Variants in SMYD3 observed in about 807,000 individuals in gnomAD.
SMYD3 encodes SET and MYND domain containing 3.
A neutral mutation model predicts 57.7 loss-of-function variants in SMYD3; 36 were observed. The ratio of observed to expected loss-of-function variants is 0.62; its 90% CI spans 0.48 to 0.82. The LOEUF is 0.82. Among genes scored for constraint, SMYD3 ranks in the 40% least tolerant of loss-of-function variants. The pLI is 0.00. For synonymous variants in SMYD3, 211 were observed against 195.0 expected (o/e 1.08, Z -0.68); for missense variants, 515 against 538.8 (o/e 0.96, Z 0.44).
At chr1:246,445,563 T>C (rs1231591170) in intron 1 of SMYD3, among the ~76,000 whole-genome samples, 1 of 152,200 alleles carries the variant, frequency 6.6e-6, no homozygotes, top group Non-Finnish European at 1.5e-5. Context: ...AATTTCTAAA[T>C]GCATTTAAGA....
chr1:246,499,471 T>G (rs114544721), intron 1 of SMYD3, among the ~76,000 whole-genome samples: 1,893 of 151,974 alleles, frequency 0.012, 23 homozygotes, highest in Non-Finnish European at 0.019. Flanking sequence ...TTGGGTATTT[T>G]TTGGAGGCAG....
At chr1:246,291,895 C>G (rs1264180783) in intron 5 of SMYD3, among the ~76,000 whole-genome samples, 1 of 152,164 alleles carries the variant, frequency 6.6e-6, no homozygotes, top group Non-Finnish European at 1.5e-5. Flanking sequence ...ACTTACTATC[C>G]AACACACCAG....
At chr1:246,485,617 C>T (rs1308369532) in intron 1 of SMYD3, among the ~76,000 whole-genome samples, 1 of 148,162 alleles carries the variant, frequency 6.7e-6, no homozygotes, top group African/African-American at 2.5e-5. Flanking sequence ...CCCCCCCCCA[C>T]ATCTCTACAA....
intron 5 of SMYD3, among the ~76,000 whole-genome samples, chr1:246,310,099 G>A (rs1310344239): frequency 1.3e-5 from 2 of 152,098 alleles, no homozygotes; most frequent in Non-Finnish European, 1.5e-5. Flanking sequence ...AAAAAAATTT[G>A]CTGTACAATA....
chr1:246,044,871 CTT>C (rs1400920085), intron 5 of SMYD3, among the ~76,000 whole-genome samples: 1 of 152,102 alleles, frequency 6.6e-6, no homozygotes, highest in Non-Finnish European at 1.5e-5. Flanking sequence ...ATTATTGACT[CTT>C]TATAAAATAT....
intron 5 of SMYD3, among the ~76,000 whole-genome samples, chr1:246,326,613 A>G (rs1346400136): frequency 1.3e-5 from 2 of 151,828 alleles, no homozygotes; most frequent in African/African-American, 2.4e-5. Flanking sequence ...AAAAAACAAA[A>G]TTTAGCTGGG....
chr1:246,378,766 T>C (rs2066329711), intron 1 of SMYD3, among the ~76,000 whole-genome samples: 1 of 120,690 alleles, frequency 8.3e-6, no homozygotes, highest in African/African-American at 3.2e-5. Flanking sequence ...TTTAATATAT[T>C]ATATATAATT....
chr1:246,104,517 G>A (rs760487908), intron 5 of SMYD3, among the ~76,000 whole-genome samples: 17 of 152,318 alleles, frequency 1.1e-4, no homozygotes, highest in Non-Finnish European at 1.8e-4. Flanking sequence ...CGTCTCCTGG[G>A]AGAAGGTACT....
intron 5 of SMYD3, among the ~76,000 whole-genome samples, chr1:246,245,577 A>C (rs1306164970): frequency 6.6e-6 from 1 of 151,644 alleles, no homozygotes; most frequent in Non-Finnish European, 1.5e-5. Flanking sequence ...GAAATGAAAT[A>C]GAAATTTTAC....
intron 10 of SMYD3, among the ~76,000 whole-genome samples, chr1:245,781,675 C>A (rs373096620): frequency 6.6e-6 from 1 of 152,136 alleles, no homozygotes; most frequent in Non-Finnish European, 1.5e-5. Flanking sequence ...AATTCCATAG[C>A]GACCATTAAA....
chr1:246,057,633 A>G (rs1257250410), intron 5 of SMYD3, among the ~76,000 whole-genome samples: 1 of 152,194 alleles, frequency 6.6e-6, no homozygotes, highest in Admixed American at 6.5e-5. Flanking sequence ...AATAACAGGA[A>G]CTCTCGTTCA....
At position 246,430,254 on chromosome 1, in the gene SMYD3, GA is replaced by G. The variant is rs2067277157; in HGVS notation, c.165-75161del. On this transcript the variant is annotated intron_variant, in intron 1 of 11. Coordinates refer to ENST00000490107, the MANE Select transcript of SMYD3 (RefSeq NM_001167740.2). ...GATATCAATAAAATACAGGGGCTCA[GA>G]AAAAGGAAAGATTAATATAGACTAA... 6.6e-5 allele frequency among the ~76,000 whole-genome samples: 10 copies of G among 152,342 alleles called. No homozygotes were observed. The South Asian group carries it at 2.1e-3, about 32-fold the overall frequency.
At chr1:246,132,296 T>C (rs1424557653) in intron 5 of SMYD3, among the ~76,000 whole-genome samples, 1 of 152,092 alleles carries the variant, frequency 6.6e-6, no homozygotes, top group Admixed American at 6.5e-5. Flanking sequence ...TTTATGTTTT[T>C]AAAAAATTAA....
At chr1:246,237,209 T>C (rs1024639950) in intron 5 of SMYD3, among the ~76,000 whole-genome samples, 45 of 152,248 alleles carry the variant, frequency 3.0e-4, no homozygotes, top group Middle Eastern at 3.4e-3. Context: ...CCGATATAAC[T>C]GGTCGCAGCT....
At chr1:246,426,133 C>T (rs1057012446) in intron 1 of SMYD3, 6 of 152,140 alleles carry the variant, frequency 3.9e-5, no homozygotes, top group Non-Finnish European at 8.8e-5. Context: ...CTTATACCTT[C>T]TAACTCATTA....
intron 5 of SMYD3, chr1:246,321,535 TG>T (rs2065248272): frequency 6.6e-6 from 1 of 152,172 alleles, no homozygotes; most frequent in African/African-American, 2.4e-5. Context: ...TGTTTTGAGT[TG>T]GGGTCTCACT....
At chr1:245,960,046 T>C (rs887422637) in intron 5 of SMYD3, among the ~76,000 whole-genome samples, 57 of 152,230 alleles carry the variant, frequency 3.7e-4, no homozygotes, top group Admixed American at 3.7e-3. Context: ...CCCAAAGTGC[T>C]GGGATTACAG....
chr1:245,761,785 T>TC (rs1399708938), intron 11 of SMYD3, among the ~76,000 whole-genome samples: 1 of 126,578 alleles, frequency 7.9e-6, no homozygotes, highest in African/African-American at 3.5e-5. Flanking sequence ...CCATATTGAG[T>TC]CTTTTTTTTT....
chr1:246,218,510 A>G (rs1478571258), intron 5 of SMYD3, among the ~76,000 whole-genome samples: 1 of 151,908 alleles, frequency 6.6e-6, no homozygotes, highest in African/African-American at 2.4e-5. Flanking sequence ...AGTCCCAGCT[A>G]CTCTGGAGGC....
Sources: allele counts gnomAD v4.1 joint callset (sites outside exome capture counted in the v4.1 genomes callset), GRCh38; gene constraint gnomAD v4.1.1; transcripts MANE v1.5; gene names NCBI Gene and HGNC (gene_info 2026-07-23, HGNC 2026-07-21).